Variants in CHRNA7 observed in about 807,000 individuals in gnomAD.
CHRNA7 encodes neuronal acetylcholine receptor subunit alpha-7.
CHRNA7 carries 17 observed loss-of-function variants against 48.0 expected under a neutral mutation model. The observed-to-expected ratio is 0.35, with a 90% confidence interval of 0.24 to 0.53. CHRNA7 has a LOEUF of 0.53. CHRNA7 is among the 20% of genes least tolerant of loss of function. The pLI is 0.92. For synonymous variants in CHRNA7, 75 were observed against 242.3 expected (o/e 0.31, Z 6.41); for missense variants, 155 against 577.7 (o/e 0.27, Z 7.50).
At chr15:32,070,531 A>G (rs376968285) in intron 2 of CHRNA7, among the ~76,000 whole-genome samples, 59 of 152,164 alleles carry the variant, frequency 3.9e-4, no homozygotes, top group African/African-American at 1.3e-3. Context: ...GTCATGTCCA[A>G]GAACATTTCA....
chr15:32,136,159 G>C (rs902335628), intron 4 of CHRNA7, among the ~76,000 whole-genome samples: 9 of 152,060 alleles, frequency 5.9e-5, no homozygotes, highest in Admixed American at 5.9e-4. Context: ...AAACAGATTT[G>C]GTTATATAAA....
intron 2 of CHRNA7, among the ~76,000 whole-genome samples, chr15:32,065,985 C>T (rs943807455): frequency 6.6e-6 from 1 of 152,140 alleles, no homozygotes; most frequent in African/African-American, 2.4e-5. Context: ...CACAACATAG[C>T]CCACTGCAAA....
chr15:32,101,418 C>A, intron 3 of CHRNA7, 71 bp downstream of exon 3: 1 of 1,481,010 alleles, frequency 6.8e-7, no homozygotes, highest in Non-Finnish European at 9.1e-7. Context: ...GTTCTGATAC[C>A]TGAGATGCTT....
At chr15:32,141,032 T>C (rs1359300876) in intron 4 of CHRNA7, among the ~76,000 whole-genome samples, 8 of 152,246 alleles carry the variant, frequency 5.3e-5, no homozygotes, top group African/African-American at 1.9e-4. Flanking sequence ...CTAGGTTTTC[T>C]TCTAGGGTTT....
At chr15:32,089,110 A>G (rs934962589) in intron 2 of CHRNA7, among the ~76,000 whole-genome samples, 2 of 152,184 alleles carry the variant, frequency 1.3e-5, no homozygotes, top group African/African-American at 4.8e-5. Flanking sequence ...AATAAGATCT[A>G]TGTTGAATTT....
intron 3 of CHRNA7, chr15:32,101,625 G>A (rs1436149057): frequency 2.6e-6 from 1 of 387,312 alleles, no homozygotes; most frequent in Non-Finnish European, 4.5e-6. Flanking sequence ...AAGACAAGAA[G>A]ATACAGGGCT....
At chr15:32,143,454 A>G (rs1310331190) in intron 4 of CHRNA7, among the ~76,000 whole-genome samples, 1 of 152,136 alleles carries the variant, frequency 6.6e-6, no homozygotes, top group African/African-American at 2.4e-5. Flanking sequence ...GGGCAGAGCT[A>G]AGTTCAAATC....
intron 4 of CHRNA7, among the ~76,000 whole-genome samples, chr15:32,116,550 C>T (rs1378291811): frequency 6.6e-6 from 1 of 152,196 alleles, no homozygotes; most frequent in Non-Finnish European, 1.5e-5. Context: ...GTTTTCTGAA[C>T]ACCATCTTGC....
rs928279755 is a variant in CHRNA7, at chr15:32,153,549, C to T, written c.351-358C>T. ...CCCCATGAGGCTCACAGGGTGGCAGCGTGCCTCACCCACCCTCTGTTCTTC... is the reference window on the plus strand; with the variant it reads ...CCCCATGAGGCTCACAGGGTGGCAGTGTGCCTCACCCACCCTCTGTTCTTC... On this transcript the variant is annotated intron_variant, in intron 4 of 9. Coordinates refer to ENST00000306901, the MANE Select transcript of CHRNA7 (RefSeq NM_000746.6). The T allele has an allele frequency of 2.9e-4, 96 of 328,548 alleles. 2 individuals carry two copies. The highest frequency in any genetic ancestry group is 2.0e-3 in the African/African-American group (89 of 44,562). The allele number at this position is 328,548 out of a possible 1,614,324, so 20.4% of individuals were successfully genotyped here. A position where few individuals can be genotyped will look rare whatever the true frequency, so the allele number is the denominator to read the frequency against.
At chr15:32,146,950 C>T (rs1200673588) in intron 4 of CHRNA7, among the ~76,000 whole-genome samples, 2 of 152,154 alleles carry the variant, frequency 1.3e-5, no homozygotes, top group East Asian at 3.8e-4. Context: ...CCAAATGCAA[C>T]ACTTTCATAA....
chr15:32,049,301 C>T (rs1189849235), intron 2 of CHRNA7, among the ~76,000 whole-genome samples: 2 of 151,884 alleles, frequency 1.3e-5, no homozygotes, highest in Non-Finnish European at 2.9e-5. Context: ...GTAGGTCACT[C>T]AGGACTTGCT....
chr15:32,126,638 T>C (rs1307684119), intron 4 of CHRNA7, among the ~76,000 whole-genome samples: 1 of 152,202 alleles, frequency 6.6e-6, no homozygotes, highest in Admixed American at 6.5e-5. Context: ...TTTTCACTCA[T>C]CCTGTTTTCC....
At position 32,030,649 on chromosome 15, in the gene CHRNA7, G is replaced by T. The variant is rs765585399; in HGVS notation, c.55G>T (p.Val19Leu). ...WLALAASLLH[V>L]SLQGEFQRKL... ...GGCGCTGGCCGCGTCGCTCCTGCAC[G>T]GTAAAGCCACTGCCTCCCCGCCCTC... The change falls in exon 1 of 10, where the codon GTG becomes TTG. Residue 19 changes from valine (V) to leucine (L), a missense_variant and splice_region_variant. By Grantham distance (32) the Val-to-Leu change is conservative. Transcript: ENST00000306901. 1.3e-6 allele frequency: 2 copies of T among 1,577,166 alleles called. No individual in the cohort carries two copies. The highest frequency in any genetic ancestry group is 1.8e-5 in the Admixed American group (1 of 57,106).
chr15:32,062,124 A>G (rs1215595661), intron 2 of CHRNA7, among the ~76,000 whole-genome samples: 1 of 152,188 alleles, frequency 6.6e-6, no homozygotes, highest in African/African-American at 2.4e-5. Flanking sequence ...TTTGAGATTT[A>G]CGTGCATATC....
chr15:32,098,309 G>A (rs975465925), intron 2 of CHRNA7, among the ~76,000 whole-genome samples: 2 of 152,208 alleles, frequency 1.3e-5, no homozygotes, highest in African/African-American at 4.8e-5. Context: ...TGGGGAAAGG[G>A]GAGGGGACAG....
chr15:32,049,021 T>C (rs992169423), intron 2 of CHRNA7, among the ~76,000 whole-genome samples: 2 of 136,222 alleles, frequency 1.5e-5, no homozygotes, highest in Admixed American at 7.2e-5. Flanking sequence ...TTGATTGCAC[T>C]GTGGTCTGTT....
intron 3 of CHRNA7, among the ~76,000 whole-genome samples, chr15:32,104,998 A>T (rs1300075624): frequency 6.6e-6 from 1 of 152,222 alleles, no homozygotes; most frequent in Non-Finnish European, 1.5e-5. Context: ...TATTTAAAGG[A>T]TGGTGGTTTC....
intron 2 of CHRNA7, among the ~76,000 whole-genome samples, chr15:32,041,804 A>C (rs143319652): frequency 7.2e-5 from 11 of 152,140 alleles, no homozygotes; most frequent in Non-Finnish European, 1.0e-4. Context: ...TATCAAATAT[A>C]TTCTTTATTT....
At position 32,046,751 on chromosome 15, in the gene CHRNA7, A is replaced by G. The variant is rs928491300; in HGVS notation, c.195+15714A>G. ...AGACATGAAGTCCTTGCCCATGCCT[A>G]TGTCCTAAATGGTAATGCCTAGGTT... On this transcript the variant is annotated intron_variant, in intron 2 of 9. Coordinates refer to ENST00000306901, the MANE Select transcript of CHRNA7 (RefSeq NM_000746.6). Among the ~76,000 whole-genome samples the G allele has an allele frequency of 9.2e-3, 1,400 of 152,184 alleles. 27 individuals carry two copies. Among genetic ancestry groups the G allele is most frequent in the African/African-American group, 0.032 (1,331 of 41,514 alleles).
Sources: gnomAD v4.1 joint callset for allele counts (sites outside exome capture counted in the v4.1 genomes callset) on GRCh38, gnomAD v4.1.1 for gene constraint, MANE v1.5 for transcripts, NCBI Gene and HGNC (gene_info 2026-07-23, HGNC 2026-07-21) for gene names.